Variants in EHBP1 observed in about 807,000 individuals in gnomAD.
EHBP1 encodes EH domain-binding protein 1.
EHBP1 carries 55 observed loss-of-function variants against 144.0 expected under a neutral mutation model. That is an observed-to-expected ratio of 0.38 (90% CI 0.31 to 0.48). The LOEUF (loss-of-function observed/expected upper bound fraction) is 0.48. Ranked by LOEUF, EHBP1 falls within the 20% of genes least tolerant of loss-of-function variation. The probability of loss-of-function intolerance (pLI) is 0.98; values close to 1 mark genes in which losing one functional copy is unlikely to be tolerated. For synonymous variants in EHBP1, 469 were observed against 472.7 expected (o/e 0.99, Z 0.10); for missense variants, 1,200 against 1,364.2 (o/e 0.88, Z 1.90).
chr2:63,029,862 G>A (rs530738449), intron 19 of EHBP1, among the ~76,000 whole-genome samples: 1 of 152,140 alleles, frequency 6.6e-6, no homozygotes, highest in East Asian at 1.9e-4. Flanking sequence ...CCGAGTAGCT[G>A]GGATTACAGG....
At chr2:62,727,496 A>G (rs1344390268) in intron 2 of EHBP1, among the ~76,000 whole-genome samples, 1 of 150,904 alleles carries the variant, frequency 6.6e-6, no homozygotes, top group Non-Finnish European at 1.5e-5. Flanking sequence ...TCCCCACTCA[A>G]CCCCCAGGTA....
At chr2:62,695,309 C>T (rs1377323637) in intron 1 of EHBP1, among the ~76,000 whole-genome samples, 2 of 151,936 alleles carry the variant, frequency 1.3e-5, no homozygotes, top group Non-Finnish European at 2.9e-5. Flanking sequence ...TGCAGTGAGC[C>T]GTGATCACAC....
intron 10 of EHBP1, among the ~76,000 whole-genome samples, chr2:62,909,402 C>T (rs1237867037): frequency 1.3e-5 from 2 of 152,310 alleles, no homozygotes; most frequent in Admixed American, 6.5e-5. Flanking sequence ...AGGCTGGTCT[C>T]GAACTTCTAG....
rs553572946 is a variant in EHBP1 at position 62,864,008 on chromosome 2, G to A, written c.758-723G>A. 4.9e-4 allele frequency among the ~76,000 whole-genome samples: 74 copies of A among 151,380 alleles called. 1 individual carries two copies. In the South Asian group the frequency reaches 0.015, roughly 31 times the overall value. On this transcript the variant is annotated intron_variant, in intron 8 of 22. Transcript: ENST00000431489. Reference sequence around the variant, plus strand: ...ATTGCAGGCCCCCGCCACCCCACCCGGCTAGTTTTTGTGTATTAAGTAGAG... The same window carrying A: ...ATTGCAGGCCCCCGCCACCCCACCCAGCTAGTTTTTGTGTATTAAGTAGAG...
At chr2:62,940,455 A>G (rs2153068320) in intron 10 of EHBP1, among the ~76,000 whole-genome samples, 1 of 152,346 alleles carries the variant, frequency 6.6e-6, no homozygotes, top group African/African-American at 2.4e-5. Flanking sequence ...ATGTACCGTT[A>G]TAATCTGCAC....
intron 19 of EHBP1, among the ~76,000 whole-genome samples, chr2:63,017,249 C>G (rs2060523205): frequency 6.6e-6 from 1 of 152,204 alleles, no homozygotes; most frequent in Non-Finnish European, 1.5e-5. Context: ...GTCTTGAACT[C>G]CCAACCTTCA....
At chr2:62,835,644 G>A (rs1196479362) in intron 7 of EHBP1, among the ~76,000 whole-genome samples, 52 of 152,252 alleles carry the variant, frequency 3.4e-4, no homozygotes, top group Admixed American at 3.0e-3. Context: ...CGCACCGTGC[G>A]CGAGCCGAAG....
chr2:62,906,961 G>T (rs1291356211), intron 10 of EHBP1, among the ~76,000 whole-genome samples: 1 of 151,954 alleles, frequency 6.6e-6, no homozygotes, highest in South Asian at 2.1e-4. Context: ...TCTGGGTTTC[G>T]CATGTATCAA....
chr2:62,832,625 T>C (rs1027175054), intron 7 of EHBP1, among the ~76,000 whole-genome samples: 12 of 152,114 alleles, frequency 7.9e-5, no homozygotes, highest in Admixed American at 1.3e-4. Context: ...TTATATCTGT[T>C]ATAGTGATCT....
intron 6 of EHBP1, among the ~76,000 whole-genome samples, chr2:62,830,012 G>C (rs1007559320): frequency 2.7e-5 from 4 of 150,846 alleles, no homozygotes; most frequent in East Asian, 1.9e-4. Context: ...AAAAAAATAA[G>C]TTATTACAGG....
At chr2:63,040,462 T>A (rs554261995) in intron 21 of EHBP1, among the ~76,000 whole-genome samples, 1 of 152,128 alleles carries the variant, frequency 6.6e-6, no homozygotes, top group Non-Finnish European at 1.5e-5. Context: ...ATATACCAGA[T>A]TTACAGTGTT....
chr2:62,770,883 C>T lies in EHBP1; in HGVS notation c.259-456C>T, dbSNP rs2041607265. Among the ~76,000 whole-genome samples the T allele has an allele frequency of 2.0e-5, 3 of 152,222 alleles. No individual in the cohort carries two copies. In the South Asian group the frequency reaches 6.2e-4, roughly 32 times the overall value. ...ATGGATGGAGCTGGAGGCTATTATCCTTCACATACTGTTGCGGGGACAGGA... is the reference window on the plus strand; with the variant it reads ...ATGGATGGAGCTGGAGGCTATTATCTTTCACATACTGTTGCGGGGACAGGA... On this transcript the variant is annotated intron_variant, in intron 4 of 22. Transcript: ENST00000431489.
chr2:62,747,246 A>G, intron 2 of EHBP1, 149 bp from the exon 3 acceptor site: 2 of 574,632 alleles, frequency 3.5e-6, no homozygotes, highest in Non-Finnish European at 6.1e-6. Context: ...ATCTGTAGTT[A>G]ACATCTACTA....
chr2:62,814,759 A>G (rs908922770), intron 5 of EHBP1, among the ~76,000 whole-genome samples: 1 of 152,248 alleles, frequency 6.6e-6, no homozygotes, highest in Non-Finnish European at 1.5e-5. Context: ...TCACAGGTCC[A>G]CATCTAGAGA....
chr2:62,904,067 A>G (rs2053619922), intron 10 of EHBP1, among the ~76,000 whole-genome samples: 1 of 152,216 alleles, frequency 6.6e-6, no homozygotes, highest in Non-Finnish European at 1.5e-5. Context: ...GGGAAATTGT[A>G]CATTCATAGC....
chr2:62,975,449 T>G (rs1045039769), intron 14 of EHBP1, among the ~76,000 whole-genome samples: 1 of 152,136 alleles, frequency 6.6e-6, no homozygotes, highest in Admixed American at 6.5e-5. Context: ...CTTTGGAAAA[T>G]ACAGTTGGCT....
intron 14 of EHBP1, among the ~76,000 whole-genome samples, chr2:62,967,680 T>TG (rs1475096670): frequency 6.6e-6 from 1 of 152,190 alleles, no homozygotes; most frequent in Non-Finnish European, 1.5e-5. Flanking sequence ...TTCTCTGTAT[T>TG]GTTTCAGAAA....
chr2:63,033,014 G>A (rs2061325329), intron 19 of EHBP1, among the ~76,000 whole-genome samples: 1 of 152,156 alleles, frequency 6.6e-6, no homozygotes, highest in South Asian at 2.1e-4. Context: ...TGAGGATATT[G>A]TTGGATCAGA....
intron 10 of EHBP1, among the ~76,000 whole-genome samples, chr2:62,910,556 C>T (rs1241489598): frequency 6.6e-6 from 1 of 151,902 alleles, no homozygotes; most frequent in Non-Finnish European, 1.5e-5. Context: ...TATTGCCAAT[C>T]CTAACATGTA....
Sources: gnomAD v4.1 joint callset for allele counts (sites outside exome capture counted in the v4.1 genomes callset) on GRCh38, gnomAD v4.1.1 for gene constraint, MANE v1.5 for transcripts, NCBI Gene and HGNC (gene_info 2026-07-23, HGNC 2026-07-21) for gene names.